The following DNAH11 variants were observed in gnomAD, a reference collection of about 807,000 sequenced individuals.
DNAH11 encodes the protein dynein axonemal heavy chain 11.
Under a neutral mutation model 526.0 loss-of-function variants are expected in DNAH11, and 442 were observed. The ratio of observed to expected loss-of-function variants is 0.84; its 90% CI spans 0.78 to 0.91. The LOEUF is 0.91. Among genes scored for constraint, DNAH11 ranks in the 40% least tolerant of loss-of-function variants. DNAH11 has a pLI of 0.00. For synonymous variants in DNAH11, 2,461 were observed against 1,935.9 expected (o/e 1.27, Z -7.12); for missense variants, 6,989 against 5,448.7 (o/e 1.28, Z -8.90).
intron 9 of DNAH11, among the ~76,000 whole-genome samples, chr7:21,585,175 C>T (rs978210007): frequency 1.3e-5 from 2 of 151,976 alleles, no homozygotes; most frequent in South Asian, 2.1e-4. Flanking sequence ...ATAAGCTTGG[C>T]GGGGGTGTGG....
chr7:21,554,776 C>G (rs1395780682), intron 2 of DNAH11, among the ~76,000 whole-genome samples: 1 of 152,174 alleles, frequency 6.6e-6, no homozygotes, highest in East Asian at 1.9e-4. Flanking sequence ...ATTTACAAAG[C>G]CAGTCTCTCC....
Position 21,638,932 on chromosome 7 carries a change from C to A in DNAH11, c.4818-7C>A. The A allele has an allele frequency of 6.3e-7, 1 of 1,598,126 alleles. No homozygotes were observed. The highest frequency in any genetic ancestry group is 8.5e-7 in the Non-Finnish European group (1 of 1,174,970). ...GATATGCTTAAAAACATTTTTCATTCATGTAGGCTTTCTCTTTGTGAAAAA... is the reference window on the plus strand; with the variant it reads ...GATATGCTTAAAAACATTTTTCATTAATGTAGGCTTTCTCTTTGTGAAAAA... On this transcript the variant is annotated splice_polypyrimidine_tract_variant and splice_region_variant and intron_variant, in intron 27 of 81. Transcript: ENST00000409508.
intron 62 of DNAH11, among the ~76,000 whole-genome samples, chr7:21,805,800 A>G (rs1017972987): frequency 3.3e-5 from 5 of 152,182 alleles, no homozygotes; most frequent in Admixed American, 3.3e-4. Flanking sequence ...AAAAATATAT[A>G]TTTTTAAAGG....
chr7:21,750,924 T>G (rs1203796492), intron 54 of DNAH11, among the ~76,000 whole-genome samples: 1 of 152,148 alleles, frequency 6.6e-6, no homozygotes, highest in Admixed American at 6.5e-5. Flanking sequence ...AAAAGTAAAT[T>G]GGAAGAGATA....
chr7:21,620,474 A>G (rs11979287), intron 25 of DNAH11, among the ~76,000 whole-genome samples: 3,755 of 151,420 alleles, frequency 0.025, 124 homozygotes, highest in South Asian at 0.083. Flanking sequence ...GGCATCGTAC[A>G]ATATTTGTCT....
intron 65 of DNAH11, among the ~76,000 whole-genome samples, chr7:21,822,724 C>T (rs1790107293): frequency 6.6e-6 from 1 of 152,180 alleles, no homozygotes; most frequent in Non-Finnish European, 1.5e-5. Context: ...TACTAATTTA[C>T]ATTCCCACCA....
In DNAH11 at chr7:21,807,994, G is replaced by A. The variant is rs1789347191; in HGVS notation, c.10277G>A (p.Arg3426Lys). Residue 3426 changes from arginine (R) to lysine (K), a missense_variant, in exon 63 of 82, where the codon AGG becomes AAG. Physicochemically the swap from Arg to Lys is conservative, Grantham distance 26. Coordinates refer to ENST00000409508, the MANE Select transcript of DNAH11 (RefSeq NM_001277115.2). ...AFVSYVGPFT[R>K]QYRQELVHCK... ...GTGTCTTACGTCGGACCCTTCACAA[G>A]GCAGTATCGCCAGGAGCTGGTGCAC... The A allele has an allele frequency of 3.1e-6, 5 of 1,592,644 alleles. No individual in the cohort carries two copies. Among genetic ancestry groups the A allele is most frequent in the Non-Finnish European group, 3.4e-6 (4 of 1,166,166 alleles).
At chr7:21,826,506 T>C (rs1790306863) in intron 65 of DNAH11, among the ~76,000 whole-genome samples, 1 of 152,166 alleles carries the variant, frequency 6.6e-6, no homozygotes, top group Non-Finnish European at 1.5e-5. Context: ...GAACAGAAAA[T>C]TTTTGAAAAT....
chr7:21,756,875 C>T (rs79445475), intron 54 of DNAH11, among the ~76,000 whole-genome samples: 7,031 of 152,218 alleles, frequency 0.046, 343 homozygotes, highest in East Asian at 0.28. Flanking sequence ...GAATGTGGCA[C>T]GTGTCTTCCT....
At position 21,773,947 on chromosome 7, in the gene DNAH11, A is replaced by T; in HGVS notation, c.9284A>T (p.Lys3095Ile). The change falls in exon 56 of 82, where the codon AAA (lysine) becomes ATA (isoleucine). Residue 3095 changes from lysine (K) to isoleucine (I), a missense_variant. Physicochemically the swap from Lys to Ile is moderately radical, Grantham distance 102. Transcript: ENST00000409508. Reference protein sequence around the residue: ...LKKKQNEVSEKKERLVNGIQK... With the variant: ...LKKKQNEVSEIKERLVNGIQK... ...AAGAAGCAAAATGAGGTATCCGAGA[A>T]AAAAGAACGCCTGGTGAACGGCATC... is the stretch of plus-strand genomic sequence containing the variant. 1 of 1,588,830 alleles carries T rather than the reference A, an allele frequency of 6.3e-7. No homozygotes were observed. The highest frequency in any genetic ancestry group is 8.6e-7 in the Non-Finnish European group (1 of 1,167,464).
chr7:21,789,238 C>G lies in DNAH11; in HGVS notation c.9925-3C>G. ...GTATCTGTATTAATTCATGAATTTTCAGGTCTACTGTGATGTGGAGCCAAA... is the reference window on the plus strand; with the variant it reads ...GTATCTGTATTAATTCATGAATTTTGAGGTCTACTGTGATGTGGAGCCAAA... On this transcript the variant is annotated splice_polypyrimidine_tract_variant and splice_region_variant and intron_variant, in intron 60 of 81. Coordinates refer to ENST00000409508, the MANE Select transcript of DNAH11 (RefSeq NM_001277115.2). The G allele has an allele frequency of 6.4e-7, 1 of 1,559,464 alleles. No individual in the cohort carries two copies. Among genetic ancestry groups the G allele is most frequent in the Non-Finnish European group, 8.7e-7 (1 of 1,149,758 alleles).
rs201804029 is a variant in DNAH11, at chr7:21,543,318, G to C, written c.73G>C (p.Ala25Pro). 1.4e-5 allele frequency: 21 copies of C among 1,550,098 alleles called. No individual in the cohort carries two copies. The highest frequency in any genetic ancestry group is 1.7e-5 in the Non-Finnish European group (19 of 1,146,454). ...CCCGACCCTTCGCCTAACCTCGGGG[G>C]CCGGCCTGGAGGCAGTGGGCGCTGT... ...EAPTLRLTSG[A>P]GLEAVGAVEL... is the part of the protein sequence containing the mutation. Residue 25 changes from alanine to proline, a missense_variant, in exon 1 of 82, where the codon GCC becomes CCC. By Grantham distance (27) the Ala-to-Pro change is conservative (BLOSUM62 -1). Transcript: ENST00000409508.
intron 76 of DNAH11, among the ~76,000 whole-genome samples, chr7:21,886,295 T>C (rs1045278284): frequency 2.6e-5 from 4 of 152,196 alleles, no homozygotes; most frequent in African/African-American, 7.2e-5. Flanking sequence ...GTCTAATATT[T>C]AGTCTATTTT....
At chr7:21,708,728 C>T (rs892818535) in intron 40 of DNAH11, among the ~76,000 whole-genome samples, 3 of 152,174 alleles carry the variant, frequency 2.0e-5, no homozygotes, top group East Asian at 1.9e-4. Flanking sequence ...GCTCCCATCA[C>T]GGGGCCTCAG....
chr7:21,603,865 A>G (rs1054331302), intron 18 of DNAH11, among the ~76,000 whole-genome samples: 9 of 152,206 alleles, frequency 5.9e-5, no homozygotes, highest in Admixed American at 5.2e-4. Flanking sequence ...TATGGCCTCC[A>G]GAATTTGTAT....
At chr7:21,600,313 C>T (rs1008422873) in intron 15 of DNAH11, among the ~76,000 whole-genome samples, 194 bp downstream of exon 15, 2 of 151,958 alleles carry the variant, frequency 1.3e-5, no homozygotes, top group Non-Finnish European at 2.9e-5. Context: ...AAAAAATTAG[C>T]TGGGTGTGGT....
chr7:21,582,626 G>A (rs1784352153), intron 9 of DNAH11, among the ~76,000 whole-genome samples: 1 of 152,054 alleles, frequency 6.6e-6, no homozygotes, highest in African/African-American at 2.4e-5. Context: ...TTATATAAAA[G>A]AAAAGCATCT....
chr7:21,601,775 G>A (rs1015551373), intron 18 of DNAH11, among the ~76,000 whole-genome samples, 157 bp downstream of exon 18: 2 of 151,826 alleles, frequency 1.3e-5, no homozygotes, highest in African/African-American at 4.8e-5. Context: ...TACTTAAGGA[G>A]ATTTAATAAC....
chr7:21,838,245 C>T (rs1782067789), intron 65 of DNAH11, among the ~76,000 whole-genome samples: 1 of 152,216 alleles, frequency 6.6e-6, no homozygotes, highest in Non-Finnish European at 1.5e-5. Context: ...TCCTGTGATA[C>T]ACATTGCTAT....
Sources: gnomAD v4.1 joint callset for allele counts (sites outside exome capture counted in the v4.1 genomes callset) on GRCh38, gnomAD v4.1.1 for gene constraint, MANE v1.5 for transcripts, NCBI Gene and HGNC (gene_info 2026-07-23, HGNC 2026-07-21) for gene names.